The following CACNA1C variants were observed in gnomAD, a reference collection of about 807,000 sequenced individuals.
The protein encoded by CACNA1C is voltage-dependent L-type calcium channel subunit alpha-1C.
Under a neutral mutation model 229.0 loss-of-function variants are expected in CACNA1C, and 30 were observed. The observed-to-expected ratio is 0.13, with a 90% CI of 0.10 to 0.18. CACNA1C has a LOEUF of 0.18. CACNA1C is among the 10% of genes least tolerant of loss of function. CACNA1C has a pLI of 1.00. For missense variants in CACNA1C, 1,658 were observed against 2,845.0 expected (o/e 0.58, Z 9.49); for synonymous variants, 1,114 against 1,132.5 (o/e 0.98, Z 0.33).
In CACNA1C at chr12:2,677,762, G is replaced by A; in HGVS notation, c.4986G>A (p.Gly1662=). Residue 1662 remains glycine, a synonymous_variant, in exon 41 of 47, where the codon GGG becomes GGA. Coordinates refer to ENST00000399655, the MANE Select transcript of CACNA1C (RefSeq NM_000719.7). The surrounding 1 kb of genome is among the most constrained non-coding windows in gnomAD (Gnocchi z 7.4). Reference sequence around the variant, plus strand: ...GCTTGCGCACACTGCATGACATCGGGCCTGAGATCCGACGGGCCATCTCTG... The same window carrying A: ...GCTTGCGCACACTGCATGACATCGGACCTGAGATCCGACGGGCCATCTCTG... ...QAGLRTLHDI[G]PEIRRAISGD... is the part of the protein sequence containing the mutation. 3 of 1,613,890 alleles carry A rather than the reference G, an allele frequency of 1.9e-6. No homozygotes were observed. The highest frequency in any genetic ancestry group is 1.1e-5 in the South Asian group (1 of 91,054).
rs528439662 is a variant in CACNA1C, at chr12:2,275,929, T to G, written c.477+155499T>G. ...AGTTACAGTCATCCCTTGGTGTCTG[T>G]GGGGAGACTGATTCCTGGACCCCTC... On this transcript the variant is annotated intron_variant, in intron 3 of 46. Coordinates refer to ENST00000399655, the MANE Select transcript of CACNA1C (RefSeq NM_000719.7). The surrounding 1 kb of genome is among the most constrained non-coding windows in gnomAD (Gnocchi z 4.1). Among the ~76,000 whole-genome samples, 1 of 152,250 alleles carries G rather than the reference T, an allele frequency of 6.6e-6. No homozygotes were observed. The highest frequency in any genetic ancestry group is 1.9e-4 in the East Asian group (1 of 5,186).
At chr12:2,413,137 C>T (rs1195241776) in intron 3 of CACNA1C, among the ~76,000 whole-genome samples, 1 of 152,214 alleles carries the variant, frequency 6.6e-6, no homozygotes, top group Non-Finnish European at 1.5e-5. Context: ...CCTGCCTAAA[C>T]TTCCCACGTA....
intron 13 of CACNA1C, among the ~76,000 whole-genome samples, chr12:2,578,029 C>G (rs368637679): frequency 1.3e-5 from 2 of 151,328 alleles, no homozygotes; most frequent in East Asian, 1.9e-4. Context: ...CTACCACACC[C>G]GGCTAATTTT....
chr12:2,339,066 A>T (rs1284576422), intron 3 of CACNA1C, among the ~76,000 whole-genome samples: 1 of 152,250 alleles, frequency 6.6e-6, no homozygotes, highest in Non-Finnish European at 1.5e-5. Context: ...ATACATTCTA[A>T]GAAATGCGTT....
At chr12:2,478,776 T>G (rs746914775) in intron 5 of CACNA1C, among the ~76,000 whole-genome samples, 9 of 152,186 alleles carry the variant, frequency 5.9e-5, no homozygotes, top group Admixed American at 2.6e-4. Context: ...CAAGGGTCCC[T>G]CTTCTTCAAC....
intron 1 of CACNA1C, among the ~76,000 whole-genome samples, chr12:2,064,484 A>G (rs767611330): frequency 1.3e-4 from 20 of 152,224 alleles, no homozygotes; most frequent in Non-Finnish European, 2.1e-4. Flanking sequence ...TGCCCCAGGC[A>G]TGACTGATTA....
intron 9 of CACNA1C, among the ~76,000 whole-genome samples, chr12:2,536,613 G>A (rs750537139): frequency 6.6e-6 from 1 of 152,186 alleles, no homozygotes; most frequent in Non-Finnish European, 1.5e-5. Context: ...AAGATTGCTT[G>A]AGGCCAGGAG....
At position 2,479,737 on chromosome 12, in the gene CACNA1C, C is replaced by T. The variant is rs145588179; in HGVS notation, c.758-6367C>T. Among the ~76,000 whole-genome samples, 7 of 152,346 alleles carry T rather than the reference C, an allele frequency of 4.6e-5. No individual in the cohort carries two copies. Among genetic ancestry groups the T allele is most frequent in the African/African-American group, 1.4e-4 (6 of 41,584 alleles). ...ATGCTGGCTTGAAGCACAGCAGAAT[C>T]CAGAGTCAGCCCCACTCCTGGGAAG... On this transcript the variant is annotated intron_variant, in intron 5 of 46. Coordinates refer to ENST00000399655, the MANE Select transcript of CACNA1C (RefSeq NM_000719.7). This position sits in a 1 kb window ranked among gnomAD's most constrained non-coding sequence, Gnocchi z 4.3.
rs190904526 is a variant in CACNA1C at position 2,629,359 on chromosome 12, G to A, written c.3829-4938G>A. Among the ~76,000 whole-genome samples the A allele has an allele frequency of 1.4e-3, 209 of 152,310 alleles. 1 individual carries two copies. The highest frequency in any genetic ancestry group is 2.5e-3 in the Admixed American group (39 of 15,302). On this transcript the variant is annotated intron_variant, in intron 29 of 46. Transcript: ENST00000399655. Reference sequence around the variant, plus strand: ...CTTGTCTCCAAAAAGCAGAGGACCCGGGAGGTAGGCATTTTACAGCCAGGA... The same window carrying A: ...CTTGTCTCCAAAAAGCAGAGGACCCAGGAGGTAGGCATTTTACAGCCAGGA...
At chr12:2,239,355 C>G (rs1272270169) in intron 3 of CACNA1C, among the ~76,000 whole-genome samples, 1 of 151,858 alleles carries the variant, frequency 6.6e-6, no homozygotes, top group Admixed American at 6.6e-5. Flanking sequence ...TGAGGCTTTC[C>G]TTCCACACAC....
intron 1 of CACNA1C, chr12:1,997,915 T>C (rs1399596171): frequency 1.3e-6 from 2 of 1,589,706 alleles, no homozygotes; most frequent in East Asian, 2.3e-5. Context: ...AGTTTCTTTA[T>C]AAAAGTGAAA....
intron 3 of CACNA1C, among the ~76,000 whole-genome samples, chr12:2,374,067 G>A (rs180960719): frequency 6.6e-6 from 1 of 152,300 alleles, no homozygotes; most frequent in Admixed American, 6.5e-5. Context: ...GCTAGCCAGG[G>A]CTGGGCCTCT....
chr12:2,363,901 GA>G (rs2097648782), intron 3 of CACNA1C, among the ~76,000 whole-genome samples: 1 of 152,206 alleles, frequency 6.6e-6, no homozygotes, highest in East Asian at 1.9e-4. Context: ...CAGACCCCCT[GA>G]ACAACAGTAG....
At chr12:2,261,685 T>G (rs191444973) in intron 3 of CACNA1C, among the ~76,000 whole-genome samples, 2 of 152,178 alleles carry the variant, frequency 1.3e-5, no homozygotes, top group Non-Finnish European at 2.9e-5. Flanking sequence ...CTAGGAGATA[T>G]AGCATCAGAG....
In CACNA1C at chr12:2,287,938, C is replaced by T. The variant is rs1363526457; in HGVS notation, c.478-161038C>T. The T allele has an allele frequency of 6.6e-6, 1 of 151,880 alleles. No individual in the cohort carries two copies. Among genetic ancestry groups the T allele is most frequent in the African/African-American group, 2.4e-5 (1 of 41,386 alleles). The allele number at this position is 151,880 out of a possible 1,614,324, so 9.4% of individuals were successfully genotyped here. Reference sequence around the variant, plus strand: ...TTTCACATTCTCCAGGTGATTTTAACATATAGCTCTGGCTGAAAACGATTT... The same window carrying T: ...TTTCACATTCTCCAGGTGATTTTAATATATAGCTCTGGCTGAAAACGATTT... On this transcript the variant is annotated intron_variant, in intron 3 of 46. Coordinates refer to ENST00000399655, the MANE Select transcript of CACNA1C (RefSeq NM_000719.7). This position sits in a 1 kb window ranked among gnomAD's most constrained non-coding sequence, Gnocchi z 4.6.
At chr12:2,057,462 A>C (rs1356766561) in intron 1 of CACNA1C, among the ~76,000 whole-genome samples, 4 of 151,972 alleles carry the variant, frequency 2.6e-5, no homozygotes, top group African/African-American at 9.7e-5. Flanking sequence ...GTGTAGGGGG[A>C]GTTTAGAGCT....
chr12:2,294,577 C>A (rs958453193), intron 3 of CACNA1C, among the ~76,000 whole-genome samples: 1 of 151,904 alleles, frequency 6.6e-6, no homozygotes, highest in Admixed American at 6.6e-5. Flanking sequence ...CTTGTGCGTG[C>A]TGTCGGGATA....
chr12:2,289,805 C>G (rs138359338), intron 3 of CACNA1C, among the ~76,000 whole-genome samples: 1 of 152,188 alleles, frequency 6.6e-6, no homozygotes, highest in South Asian at 2.1e-4. Context: ...AGAACAGCTT[C>G]CCTATTTTGC....
In CACNA1C at chr12:2,135,528, C is replaced by G. The variant is rs373700727; in HGVS notation, c.477+15098C>G. On this transcript the variant is annotated intron_variant, in intron 3 of 46. Coordinates refer to ENST00000399655, the MANE Select transcript of CACNA1C (RefSeq NM_000719.7). The stretch of plus-strand genomic sequence containing the variant: ...GTTTGTTAGTTTTCCTTCTAACAGA[C>G]AGGACCCTCAGCTGCAGGTCTGTTG... Among the ~76,000 whole-genome samples, 51 of 131,638 alleles carry G rather than the reference C, an allele frequency of 3.9e-4. 2 individuals are homozygous for G. The highest frequency in any genetic ancestry group is 6.7e-4 in the Admixed American group (9 of 13,468). 86.4% of individuals were successfully genotyped at this position (131,638 alleles called of 152,430 possible). A position where few individuals can be genotyped will look rare whatever the true frequency, so the allele number is the denominator to read the frequency against.
Sources: allele counts gnomAD v4.1 joint callset (sites outside exome capture counted in the v4.1 genomes callset), GRCh38; gene constraint gnomAD v4.1.1; non-coding constraint Gnocchi (gnomAD v3.1); transcripts MANE v1.5; gene names NCBI Gene and HGNC (gene_info 2026-07-23, HGNC 2026-07-21).